Variants in ASIC2 observed in about 807,000 individuals in gnomAD.
ASIC2 encodes acid sensing ion channel subunit 2, also known as acid-sensing ion channel 2.
A neutral mutation model predicts 57.3 loss-of-function variants in ASIC2; 25 were observed. The observed-to-expected ratio is 0.44, with a 90% CI of 0.32 to 0.61. ASIC2 has a LOEUF of 0.61. Among genes scored for constraint, ASIC2 ranks in the 20% least tolerant of loss-of-function variants. The probability of loss-of-function intolerance (pLI) is 0.06; values close to 1 mark genes in which losing one functional copy is unlikely to be tolerated. For missense variants in ASIC2, 641 were observed against 738.1 expected, an observed-to-expected ratio of 0.87 and a Z score of 1.52; for synonymous variants, 319 against 307.5, an observed-to-expected ratio of 1.04 and a Z score of -0.39.
At chr17:33,720,151 A>C (rs544837383) in intron 1 of ASIC2, among the ~76,000 whole-genome samples, 47 of 152,334 alleles carry the variant, frequency 3.1e-4, no homozygotes, top group Middle Eastern at 3.4e-3. Flanking sequence ...AAGCATTAGA[A>C]TTATAGGTGT....
At chr17:33,866,146 A>G (rs912642931) in intron 1 of ASIC2, among the ~76,000 whole-genome samples, 1 of 152,132 alleles carries the variant, frequency 6.6e-6, no homozygotes, top group Non-Finnish European at 1.5e-5. Context: ...ATCCATTCCA[A>G]TGTTGATGAA....
intron 1 of ASIC2, among the ~76,000 whole-genome samples, chr17:34,126,464 G>A (rs895140930): frequency 2.6e-5 from 4 of 152,100 alleles, no homozygotes; most frequent in African/African-American, 9.7e-5. Flanking sequence ...TTCCTGCATG[G>A]GGCTGTTTAG....
chr17:34,130,708 C>G (rs1911926927), intron 1 of ASIC2, among the ~76,000 whole-genome samples: 2 of 152,238 alleles, frequency 1.3e-5, no homozygotes, highest in African/African-American at 4.8e-5. Context: ...ATCTGGGCAG[C>G]AAGCTCCCCA....
intron 6 of ASIC2, among the ~76,000 whole-genome samples, chr17:33,021,614 C>T (rs927880624): frequency 6.6e-6 from 1 of 152,250 alleles, no homozygotes; most frequent in African/African-American, 2.4e-5. Flanking sequence ...CTCCAAAGGG[C>T]CTGCCTCGTC....
chr17:33,357,742 A>G (rs1908442625), intron 1 of ASIC2, among the ~76,000 whole-genome samples: 1 of 152,174 alleles, frequency 6.6e-6, no homozygotes, highest in Admixed American at 6.5e-5. Context: ...TATGTGGAGG[A>G]GAGTCATCTG....
intron 1 of ASIC2, among the ~76,000 whole-genome samples, chr17:33,934,435 GC>G (rs1240191069): frequency 6.6e-6 from 1 of 152,166 alleles, no homozygotes; most frequent in Non-Finnish European, 1.5e-5. Flanking sequence ...AGAAGATATA[GC>G]CCCTGGTCTC....
At chr17:33,355,957 G>A (rs572934241) in intron 1 of ASIC2, among the ~76,000 whole-genome samples, 4 of 152,174 alleles carry the variant, frequency 2.6e-5, no homozygotes, top group Non-Finnish European at 5.9e-5. Context: ...AACGAACCTA[G>A]ACCTGGAGCT....
intron 1 of ASIC2, among the ~76,000 whole-genome samples, chr17:33,328,210 C>G (rs562246475): frequency 3.3e-5 from 5 of 152,056 alleles, no homozygotes; most frequent in Non-Finnish European, 7.4e-5. Context: ...TTGAGGAGAG[C>G]CCCTTGAAAT....
intron 1 of ASIC2, among the ~76,000 whole-genome samples, chr17:33,922,796 CAT>C (rs1915734391): frequency 6.6e-6 from 1 of 152,210 alleles, no homozygotes; most frequent in Admixed American, 6.5e-5. Flanking sequence ...TTCCAACACA[CAT>C]GTTCTCAACC....
At chr17:33,202,214 G>C (rs78263321) in intron 1 of ASIC2, among the ~76,000 whole-genome samples, 1 of 152,088 alleles carries the variant, frequency 6.6e-6, no homozygotes, top group African/African-American at 2.4e-5. Context: ...CCAACGATGC[G>C]GATGGGCTCC....
At chr17:33,712,361 G>T (rs968776488) in intron 1 of ASIC2, among the ~76,000 whole-genome samples, 1 of 152,212 alleles carries the variant, frequency 6.6e-6, no homozygotes, top group African/African-American at 2.4e-5. Context: ...CAGGCTCCCT[G>T]TAATCTTTGT....
chr17:33,157,081 C>T (rs1905025383), intron 1 of ASIC2, among the ~76,000 whole-genome samples: 1 of 152,068 alleles, frequency 6.6e-6, no homozygotes, highest in African/African-American at 2.4e-5. Context: ...GACTCAGGGA[C>T]TGCAACTAAC....
At chr17:33,473,332 C>T (rs979981658) in intron 1 of ASIC2, among the ~76,000 whole-genome samples, 12 of 152,224 alleles carry the variant, frequency 7.9e-5, no homozygotes, top group Middle Eastern at 3.2e-3. Context: ...AACATCCCAT[C>T]GGCTTACCAC....
chr17:33,701,856 A>G (rs1331353597), intron 1 of ASIC2, among the ~76,000 whole-genome samples: 1 of 152,206 alleles, frequency 6.6e-6, no homozygotes, highest in Non-Finnish European at 1.5e-5. Context: ...TCTGCACATC[A>G]GTCTGTATTA....
intron 1 of ASIC2, among the ~76,000 whole-genome samples, chr17:33,118,336 C>A (rs1567751430): frequency 6.6e-6 from 1 of 152,196 alleles, no homozygotes; most frequent in Non-Finnish European, 1.5e-5. Context: ...TTAACTTTTG[C>A]AACAGCTCTG....
At chr17:33,452,091 G>C (rs1434340094) in intron 1 of ASIC2, among the ~76,000 whole-genome samples, 1 of 152,238 alleles carries the variant, frequency 6.6e-6, no homozygotes, top group African/African-American at 2.4e-5. Context: ...GGAATACCAA[G>C]TTAGAGCTGC....
intron 1 of ASIC2, among the ~76,000 whole-genome samples, chr17:33,696,480 A>C (rs1434861765): frequency 6.6e-6 from 1 of 152,234 alleles, no homozygotes. Flanking sequence ...AGGGGAAAGC[A>C]CTAGGTAACA....
At chr17:33,126,856 CTT>C (rs1159710708) in intron 1 of ASIC2, among the ~76,000 whole-genome samples, 38 of 85,324 alleles carry the variant, frequency 4.5e-4, no homozygotes, top group East Asian at 1.8e-3. Flanking sequence ...TACCATTACT[CTT>C]TTTTTTTTTT....
chr17:33,228,148 G>A (rs1703558095), intron 1 of ASIC2, among the ~76,000 whole-genome samples: 1 of 152,186 alleles, frequency 6.6e-6, no homozygotes, highest in Admixed American at 6.5e-5. Flanking sequence ...CTCCTGTGCT[G>A]TCTTATTGTT....
Sources: gnomAD v4.1 joint callset for allele counts (sites outside exome capture counted in the v4.1 genomes callset) on GRCh38, gnomAD v4.1.1 for gene constraint, MANE v1.5 for transcripts, NCBI Gene and HGNC (gene_info 2026-07-23, HGNC 2026-07-21) for gene names.